The following CDH13 variants were observed in gnomAD, a reference collection of about 807,000 sequenced individuals.
CDH13 encodes the protein cadherin-13.
CDH13 carries 24 observed loss-of-function variants against 63.8 expected under a neutral mutation model. That is an observed-to-expected ratio of 0.38 (90% CI 0.27 to 0.53). The LOEUF (loss-of-function observed/expected upper bound fraction) is 0.53. Ranked by LOEUF, CDH13 falls within the 20% of genes least tolerant of loss-of-function variation. The pLI, the probability that CDH13 is intolerant of heterozygous loss-of-function variation, is 0.85. For missense variants in CDH13, 1,049 were observed against 903.1 expected, an observed-to-expected ratio of 1.16 and a Z score of -2.07; for synonymous variants, 503 against 355.3, an observed-to-expected ratio of 1.42 and a Z score of -4.67.
chr16:83,518,693 G>T (rs374363687), intron 7 of CDH13, among the ~76,000 whole-genome samples: 1 of 150,766 alleles, frequency 6.6e-6, no homozygotes, highest in Non-Finnish European at 1.5e-5. Context: ...GGATGGTCTC[G>T]ATCTCCTGAC....
chr16:83,119,048 A>G (rs2035442949), intron 3 of CDH13, among the ~76,000 whole-genome samples: 1 of 152,048 alleles, frequency 6.6e-6, no homozygotes, highest in Non-Finnish European at 1.5e-5. Flanking sequence ...CCTAGCACAC[A>G]CCAAAAGCTG....
At chr16:82,663,601 A>G (rs1912236532) in intron 1 of CDH13, among the ~76,000 whole-genome samples, 1 of 152,156 alleles carries the variant, frequency 6.6e-6, no homozygotes, top group African/African-American at 2.4e-5. Context: ...TTCTTTGTCT[A>G]AAAAGTTCAA....
intron 7 of CDH13, among the ~76,000 whole-genome samples, chr16:83,587,410 C>A (rs2150731195): frequency 6.6e-6 from 1 of 152,284 alleles, no homozygotes; most frequent in Middle Eastern, 3.4e-3. Flanking sequence ...CATCCACCGA[C>A]CCCTCGGTGA....
chr16:83,666,080 T>A (rs1421763125), intron 8 of CDH13, among the ~76,000 whole-genome samples: 1 of 152,224 alleles, frequency 6.6e-6, no homozygotes, highest in Non-Finnish European at 1.5e-5. Context: ...GCCACACAGT[T>A]TAACAGAAAA....
chr16:83,414,004 A>G (rs975825575), intron 6 of CDH13, among the ~76,000 whole-genome samples: 2 of 152,198 alleles, frequency 1.3e-5, no homozygotes, highest in Non-Finnish European at 2.9e-5. Context: ...AAAAAAAACA[A>G]AAATACTCTT....
chr16:82,759,673 G>A (rs1284852699), intron 1 of CDH13, among the ~76,000 whole-genome samples: 1 of 151,818 alleles, frequency 6.6e-6, no homozygotes, highest in African/African-American at 2.4e-5. Context: ...GCCTTAACAA[G>A]AAGCGGCAAT....
intron 4 of CDH13, among the ~76,000 whole-genome samples, chr16:83,196,562 A>C (rs549134565): frequency 2.0e-5 from 3 of 152,354 alleles, no homozygotes; most frequent in African/African-American, 7.2e-5. Context: ...TATCTAGGAT[A>C]TAGAAAGAAC....
chr16:83,534,479 A>C (rs7203325), intron 7 of CDH13, among the ~76,000 whole-genome samples: 6 of 152,072 alleles, frequency 3.9e-5, no homozygotes, highest in Non-Finnish European at 7.4e-5. Flanking sequence ...TAAGCCATCA[A>C]ATGTTACAAC....
At chr16:83,503,150 G>T (rs1425599825) in intron 7 of CDH13, among the ~76,000 whole-genome samples, 2 of 152,226 alleles carry the variant, frequency 1.3e-5, no homozygotes, top group African/African-American at 2.4e-5. Flanking sequence ...TAAGCAAGGG[G>T]TATAAAGTGA....
At chr16:83,150,564 C>G (rs1003872417) in intron 4 of CDH13, among the ~76,000 whole-genome samples, 11 of 152,184 alleles carry the variant, frequency 7.2e-5, no homozygotes, top group African/African-American at 2.7e-4. Context: ...TCTTGTTGAT[C>G]CAGGTCTCAG....
At chr16:83,349,608 T>C (rs879547668) in intron 6 of CDH13, among the ~76,000 whole-genome samples, 14 of 129,376 alleles carry the variant, frequency 1.1e-4, no homozygotes, top group Admixed American at 2.3e-4. Flanking sequence ...TTATTATTAT[T>C]ATCACTATTG....
chr16:83,045,019 A>G (rs1917649148), intron 3 of CDH13, among the ~76,000 whole-genome samples: 1 of 152,202 alleles, frequency 6.6e-6, no homozygotes, highest in African/African-American at 2.4e-5. Flanking sequence ...AAATGTAAAT[A>G]TAGGGATGAT....
At chr16:83,014,110 C>T (rs1914436505) in intron 2 of CDH13, among the ~76,000 whole-genome samples, 1 of 95,982 alleles carries the variant, frequency 1.0e-5, no homozygotes, top group Non-Finnish European at 2.9e-5. Context: ...AGTTGAACTC[C>T]TGAATATTCT....
intron 1 of CDH13, among the ~76,000 whole-genome samples, chr16:82,805,036 A>G (rs934899232): frequency 1.3e-5 from 2 of 152,224 alleles, no homozygotes; most frequent in African/African-American, 4.8e-5. Flanking sequence ...AAGGAAAAGC[A>G]TGAAGATAAG....
intron 1 of CDH13, among the ~76,000 whole-genome samples, chr16:82,857,227 C>T (rs1011025060): frequency 6.6e-6 from 1 of 152,196 alleles, no homozygotes; most frequent in African/African-American, 2.4e-5. Context: ...TCGAGTTCGT[C>T]TTCTATAAAA....
At chr16:83,014,684 T>C (rs1404278371) in intron 2 of CDH13, among the ~76,000 whole-genome samples, 2 of 141,002 alleles carry the variant, frequency 1.4e-5, no homozygotes, top group South Asian at 2.2e-4. Context: ...TGAGCTGAGA[T>C]TGCACCACTG....
intron 2 of CDH13, among the ~76,000 whole-genome samples, chr16:82,945,015 T>C (rs957312102): frequency 6.6e-6 from 1 of 152,186 alleles, no homozygotes; most frequent in Admixed American, 6.5e-5. Flanking sequence ...TGACTTATAA[T>C]TGCTGTCATT....
chr16:82,927,176 T>C (rs141656709), intron 2 of CDH13, among the ~76,000 whole-genome samples: 1 of 152,254 alleles, frequency 6.6e-6, no homozygotes, highest in East Asian at 1.9e-4. Flanking sequence ...AGAGTGAGCA[T>C]CCCAAGGGAA....
chr16:83,171,998 A>G (rs1163430101), intron 4 of CDH13, among the ~76,000 whole-genome samples: 1 of 152,102 alleles, frequency 6.6e-6, no homozygotes, highest in African/African-American at 2.4e-5. Context: ...TATGGTTGAA[A>G]CATGCTCTAC....
Sources: allele counts gnomAD v4.1 joint callset (sites outside exome capture counted in the v4.1 genomes callset), GRCh38; gene constraint gnomAD v4.1.1; transcripts MANE v1.5; gene names NCBI Gene and HGNC (gene_info 2026-07-23, HGNC 2026-07-21).